NTM: variants seen among roughly 807,000 people sequenced by gnomAD.
NTM encodes neurotrimin, also known as IgLON family member 2.
A neutral mutation model predicts 42.1 loss-of-function variants in NTM; 13 were observed. The ratio of observed to expected loss-of-function variants is 0.31; its 90% CI spans 0.20 to 0.49. The LOEUF is 0.49. Among genes scored for constraint, NTM ranks in the 20% least tolerant of loss-of-function variants. The pLI is 0.99. For synonymous variants in NTM, 187 were observed against 179.2 expected (o/e 1.04, Z -0.35); for missense variants, 373 against 452.8 (o/e 0.82, Z 1.60).
chr11:131,829,632 T>G (rs2042561759), intron 1 of NTM, among the ~76,000 whole-genome samples: 1 of 152,212 alleles, frequency 6.6e-6, no homozygotes, highest in South Asian at 2.1e-4. Flanking sequence ...TTGTGAATAG[T>G]GCTGCAAGAA....
At chr11:131,990,463 G>T (rs2066822587) in intron 2 of NTM, among the ~76,000 whole-genome samples, 1 of 151,968 alleles carries the variant, frequency 6.6e-6, no homozygotes, top group South Asian at 2.1e-4. Context: ...ATGATTTTCA[G>T]CATTAAGATT....
At chr11:131,657,586 T>A (rs1217462695) in intron 1 of NTM, among the ~76,000 whole-genome samples, 1 of 152,192 alleles carries the variant, frequency 6.6e-6, no homozygotes, top group Non-Finnish European at 1.5e-5. Context: ...CCTACCTCTG[T>A]CTTGTCAATA....
intron 1 of NTM, among the ~76,000 whole-genome samples, chr11:131,747,196 A>G (rs1209006595): frequency 6.6e-6 from 1 of 152,174 alleles, no homozygotes; most frequent in Non-Finnish European, 1.5e-5. Context: ...CTATAAATCA[A>G]CAACTCCCCA....
intron 1 of NTM, among the ~76,000 whole-genome samples, chr11:131,542,530 C>A (rs1170744731): frequency 6.6e-6 from 1 of 152,190 alleles, no homozygotes; most frequent in Non-Finnish European, 1.5e-5. Context: ...CTTCTATGAA[C>A]TTCTGTGAAA....
At chr11:132,197,913 A>C (rs948634613) in intron 3 of NTM, among the ~76,000 whole-genome samples, 1 of 151,654 alleles carries the variant, frequency 6.6e-6, no homozygotes, top group African/African-American at 2.4e-5. Context: ...GGACATTTGG[A>C]TTGGTTCCAA....
chr11:131,670,510 C>A (rs369205187), intron 1 of NTM, among the ~76,000 whole-genome samples: 1 of 152,020 alleles, frequency 6.6e-6, no homozygotes, highest in East Asian at 1.9e-4. Flanking sequence ...GCTGTGGCAA[C>A]GTGGGTTGGA....
intron 1 of NTM, among the ~76,000 whole-genome samples, chr11:131,390,297 C>T (rs780627603): frequency 3.3e-5 from 5 of 152,098 alleles, no homozygotes; most frequent in Non-Finnish European, 5.9e-5. Flanking sequence ...GGGACCAAGC[C>T]ATTCATGAGG....
At chr11:131,789,486 AGAAGAG>A (rs1267219115) in intron 1 of NTM, among the ~76,000 whole-genome samples, 157 of 10,074 alleles carry the variant, frequency 0.016, 55 homozygotes, top group East Asian at 0.02. Flanking sequence ...AAGAAGAAGA[AGAAGAG>A]GAAAGAAGAA....
intron 4 of NTM, among the ~76,000 whole-genome samples, chr11:132,221,216 G>T (rs1049100610): frequency 6.6e-6 from 1 of 152,184 alleles, no homozygotes; most frequent in African/African-American, 2.4e-5. Flanking sequence ...AACACCAGAG[G>T]CAGTATCATT....
chr11:131,672,782 G>A (rs909118832), intron 1 of NTM, among the ~76,000 whole-genome samples: 2 of 151,904 alleles, frequency 1.3e-5, no homozygotes, highest in African/African-American at 2.4e-5. Context: ...TCTTCTTTCT[G>A]GCCTTCAAAA....
chr11:131,547,786 G>A (rs1355152046), intron 1 of NTM, among the ~76,000 whole-genome samples: 4 of 152,044 alleles, frequency 2.6e-5, no homozygotes, highest in African/African-American at 9.7e-5. Context: ...CCTAGTCCCC[G>A]CAACTCCAAC....
chr11:131,916,477 G>C (rs1016647264), intron 2 of NTM, among the ~76,000 whole-genome samples: 1 of 152,172 alleles, frequency 6.6e-6, no homozygotes, highest in African/African-American at 2.4e-5. Flanking sequence ...TCCCGGGTGA[G>C]TTAGGAATTG....
chr11:132,195,111 C>T (rs890263173), intron 3 of NTM, among the ~76,000 whole-genome samples: 1 of 152,012 alleles, frequency 6.6e-6, no homozygotes, highest in Admixed American at 6.6e-5. Context: ...GTGTGAGCCA[C>T]TGCACCTGAC....
At chr11:131,794,377 A>G (rs999159063) in intron 1 of NTM, 3 of 490,984 alleles carry the variant, frequency 6.1e-6, no homozygotes, top group African/African-American at 2.1e-5. Flanking sequence ...TTGATCTGCA[A>G]TAGCCATTAG....
chr11:131,548,990 A>G (rs2054299048), intron 1 of NTM, among the ~76,000 whole-genome samples: 1 of 152,174 alleles, frequency 6.6e-6, no homozygotes, highest in Non-Finnish European at 1.5e-5. Flanking sequence ...TCCTTATTTT[A>G]TGTAGGGTGT....
chr11:131,728,053 G>T (rs560655835), intron 1 of NTM, among the ~76,000 whole-genome samples: 1 of 152,290 alleles, frequency 6.6e-6, no homozygotes, highest in East Asian at 1.9e-4. Context: ...TACCTGCTCA[G>T]CCAGGATCCC....
intron 1 of NTM, among the ~76,000 whole-genome samples, chr11:131,670,465 T>C (rs191448219): frequency 2.2e-4 from 34 of 152,262 alleles, no homozygotes; most frequent in Non-Finnish European, 2.8e-4. Context: ...TCATGTAGTA[T>C]TCTGTGGCTG....
At chr11:132,227,993 G>A (rs192091178) in intron 4 of NTM, among the ~76,000 whole-genome samples, 43 of 152,308 alleles carry the variant, frequency 2.8e-4, no homozygotes, top group African/African-American at 1.0e-3. Context: ...ATGACCAGAT[G>A]CTCACCTGAA....
At chr11:131,490,484 C>T (rs1367064599) in intron 1 of NTM, among the ~76,000 whole-genome samples, 1 of 152,220 alleles carries the variant, frequency 6.6e-6, no homozygotes, top group African/African-American at 2.4e-5. Context: ...GCAGGGTTGA[C>T]CCAATGCTGC....
Sources: gnomAD v4.1 joint callset for allele counts (sites outside exome capture counted in the v4.1 genomes callset) on GRCh38, gnomAD v4.1.1 for gene constraint, MANE v1.5 for transcripts, NCBI Gene and HGNC (gene_info 2026-07-23, HGNC 2026-07-21) for gene names.